The following ABLIM1 variants were observed in gnomAD, a reference collection of about 807,000 sequenced individuals.
ABLIM1 encodes actin-binding LIM protein 1.
A neutral mutation model predicts 107.0 loss-of-function variants in ABLIM1; 40 were observed. The ratio of observed to expected loss-of-function variants is 0.37; its 90% confidence interval spans 0.29 to 0.49. The LOEUF (loss-of-function observed/expected upper bound fraction) is 0.49, where lower values mean the gene tolerates loss of function less well. Among genes scored for constraint, ABLIM1 ranks in the 20% least tolerant of loss-of-function variants. ABLIM1 has a pLI of 0.97. For synonymous variants in ABLIM1, 357 were observed against 357.3 expected, an observed-to-expected ratio of 1.00 and a Z score of 0.01; for missense variants, 857 against 1,008.5, an observed-to-expected ratio of 0.85 and a Z score of 2.04.
chr10:114,616,531 T>C (rs2077141806), intron 1 of ABLIM1, among the ~76,000 whole-genome samples: 1 of 152,250 alleles, frequency 6.6e-6, no homozygotes. Flanking sequence ...TAGAGCTTAC[T>C]GGCCACAGGA....
intron 1 of ABLIM1, among the ~76,000 whole-genome samples, chr10:114,655,128 C>T (rs907797630): frequency 5.9e-5 from 9 of 152,274 alleles, no homozygotes; most frequent in Middle Eastern, 3.4e-3. Flanking sequence ...GACAGAGAAA[C>T]GCACTTGGAA....
intron 21 of ABLIM1, 127 bp from the exon 22 acceptor site, chr10:114,438,051 T>TG (rs2059677038): frequency 1.2e-6 from 1 of 845,262 alleles, no homozygotes. Flanking sequence ...ATTCGAGTGA[T>TG]GGGTCTTCCT....
At position 114,721,779 on chromosome 10, in the gene ABLIM1, C is replaced by T. The variant is rs114462647; in HGVS notation, c.-213+46282G>A. On this transcript the variant is annotated intron_variant, in intron 1 of 15. Transcript: ENST00000651092. ...CTGGGATTACAGGAATGAGCTACCA[C>T]GCCCGGCCAAGCAGATAATTTTTAA... Among the ~76,000 whole-genome samples the T allele has an allele frequency of 9.9e-3, 1,510 of 152,210 alleles. 25 individuals are homozygous for T. Among genetic ancestry groups the T allele is most frequent in the African/African-American group, 0.033 (1,375 of 41,528 alleles).
chr10:114,578,359 G>T (rs887868739), intron 2 of ABLIM1, among the ~76,000 whole-genome samples: 1 of 151,008 alleles, frequency 6.6e-6, no homozygotes, highest in African/African-American at 2.4e-5. Context: ...CATCAAAATG[G>T]TAGCTGTATC....
intron 21 of ABLIM1, among the ~76,000 whole-genome samples, chr10:114,438,302 C>A (rs1426535472): frequency 6.6e-6 from 1 of 152,064 alleles, no homozygotes; most frequent in Non-Finnish European, 1.5e-5. Context: ...GCTCTGTTGC[C>A]CAGGCTGGAT....
chr10:114,548,031 G>A (rs1239414974), intron 4 of ABLIM1, among the ~76,000 whole-genome samples: 2 of 152,164 alleles, frequency 1.3e-5, no homozygotes, highest in Non-Finnish European at 2.9e-5. Context: ...TCACCCATCT[G>A]CTTACTTGGG....
At chr10:114,582,712 C>G (rs894910072) in intron 2 of ABLIM1, among the ~76,000 whole-genome samples, 1 of 152,052 alleles carries the variant, frequency 6.6e-6, no homozygotes, top group African/African-American at 2.4e-5. Flanking sequence ...AGTTACATAC[C>G]TACTACCAGC....
intron 13 of ABLIM1, among the ~76,000 whole-genome samples, 179 bp from the exon 14 acceptor site, chr10:114,451,850 C>T (rs1447216877): frequency 6.6e-6 from 1 of 152,136 alleles, no homozygotes; most frequent in East Asian, 1.9e-4. Context: ...GAGTGGCTTA[C>T]TATAGACAAG....
At chr10:114,439,452 G>A (rs1283071286) in intron 20 of ABLIM1, among the ~76,000 whole-genome samples, 1 of 152,224 alleles carries the variant, frequency 6.6e-6, no homozygotes, top group Non-Finnish European at 1.5e-5. Context: ...TCAAGTTGGG[G>A]AGAGATCTTG....
At chr10:114,792,673 C>T in the ABLIM1 span, among the ~76,000 whole-genome samples, 1 of 152,188 alleles carries the variant, frequency 6.6e-6, no homozygotes, top group Non-Finnish European at 1.5e-5. Flanking sequence ...CATGAGGCTC[C>T]TTGGGTAAAC....
chr10:114,686,053 C>T (rs185647272), upstream of ABLIM1, among the ~76,000 whole-genome samples: 196 of 152,272 alleles, frequency 1.3e-3, no homozygotes, highest in Non-Finnish European at 1.8e-3. Flanking sequence ...TGGTTCCTTG[C>T]CTTTTACAAG....
intron 1 of ABLIM1, among the ~76,000 whole-genome samples, chr10:114,751,808 G>A (rs1208628902): frequency 6.6e-6 from 1 of 151,916 alleles, no homozygotes; most frequent in Non-Finnish European, 1.5e-5. Flanking sequence ...CATGCACAGG[G>A]GGGAAATGGA....
intron 1 of ABLIM1, among the ~76,000 whole-genome samples, chr10:114,675,492 G>A (rs148758605): frequency 3.9e-5 from 6 of 152,148 alleles, no homozygotes; most frequent in South Asian, 2.1e-4. Flanking sequence ...GCCTTCTGCC[G>A]TGATTGTGAG....
At chr10:114,472,523 T>G (rs943880972) in intron 10 of ABLIM1, among the ~76,000 whole-genome samples, 1 of 152,214 alleles carries the variant, frequency 6.6e-6, no homozygotes, top group Non-Finnish European at 1.5e-5. Flanking sequence ...TGTTGCCCCA[T>G]GCGCTCTACT....
intron 6 of ABLIM1, among the ~76,000 whole-genome samples, chr10:114,514,734 C>G (rs2062535444): frequency 1.3e-5 from 2 of 152,068 alleles, no homozygotes; most frequent in Non-Finnish European, 2.9e-5. Context: ...TGCATGAAAA[C>G]CTATGAAAAG....
At chr10:114,719,768 T>C (rs1402227835) in intron 1 of ABLIM1, among the ~76,000 whole-genome samples, 1 of 152,190 alleles carries the variant, frequency 6.6e-6, no homozygotes, top group African/African-American at 2.4e-5. Flanking sequence ...AAAAATCCCG[T>C]CTTCCCAGGG....
chr10:114,439,483 T>C, intron 20 of ABLIM1: 1 of 596,024 alleles, frequency 1.7e-6, no homozygotes. Flanking sequence ...TATGGACAAA[T>C]TCCTGAATTA....
chr10:114,498,416 C>G, intron 6 of ABLIM1, among the ~76,000 whole-genome samples: 1 of 152,178 alleles, frequency 6.6e-6, no homozygotes, highest in East Asian at 1.9e-4. Context: ...GCCCTAAGCC[C>G]TGAGCCCATG....
chr10:114,617,945 C>T (rs1234215200), intron 1 of ABLIM1, among the ~76,000 whole-genome samples: 1 of 152,126 alleles, frequency 6.6e-6, no homozygotes, highest in Non-Finnish European at 1.5e-5. Flanking sequence ...AAGACCCTGT[C>T]TCTATAAGAA....
Sources: gnomAD v4.1 joint callset for allele counts (sites outside exome capture counted in the v4.1 genomes callset) on GRCh38, gnomAD v4.1.1 for gene constraint, MANE v1.5 for transcripts, NCBI Gene and HGNC (gene_info 2026-07-23, HGNC 2026-07-21) for gene names.